Variants in SIN3B observed in about 807,000 individuals in gnomAD.
The protein encoded by SIN3B is SIN3 transcription regulator family member B.
A neutral mutation model predicts 120.2 loss-of-function variants in SIN3B; 19 were observed. The ratio of observed to expected loss-of-function variants is 0.16; its 90% CI spans 0.11 to 0.23. SIN3B has a LOEUF of 0.23. Ranked by LOEUF, SIN3B falls within the 10% of genes least tolerant of loss-of-function variation. The pLI is 1.00. For synonymous variants in SIN3B, 654 were observed against 653.2 expected (o/e 1.00, Z -0.02); for missense variants, 1,073 against 1,573.0 (o/e 0.68, Z 5.38).
At chr19:16,857,516 TA>T (rs1388617935) in intron 8 of SIN3B, among the ~76,000 whole-genome samples, 27 of 123,366 alleles carry the variant, frequency 2.2e-4, no homozygotes, top group South Asian at 5.1e-4. Context: ...TTAAAAAAAA[TA>T]TGTGTGTGTG....
At chr19:16,830,556 A>C (rs1014309907) in intron 2 of SIN3B, among the ~76,000 whole-genome samples, 3 of 152,206 alleles carry the variant, frequency 2.0e-5, no homozygotes, top group Admixed American at 6.5e-5. Flanking sequence ...CAGAGGTGTC[A>C]CTAGAACTCA....
At chr19:16,829,942 G>T (rs965539577) in intron 2 of SIN3B, 45 bp downstream of exon 2, 3 of 1,409,104 alleles carry the variant, frequency 2.1e-6, no homozygotes, top group African/African-American at 2.8e-5. Flanking sequence ...CCCCTGGGCC[G>T]GAATCGGGCC....
At chr19:16,840,474 C>T (rs1358168453) in intron 3 of SIN3B, among the ~76,000 whole-genome samples, 2 of 152,236 alleles carry the variant, frequency 1.3e-5, no homozygotes. Flanking sequence ...GAACTACTAA[C>T]TTCTGTTGTT....
At chr19:16,872,088 G>A (rs2051519212) in intron 14 of SIN3B, among the ~76,000 whole-genome samples, 1 of 151,992 alleles carries the variant, frequency 6.6e-6, no homozygotes, top group South Asian at 2.1e-4. Context: ...AGACGAGCTG[G>A]GTGTGGTTCC....
chr19:16,875,804 C>G, intron 14 of SIN3B: 1 of 513,828 alleles, frequency 1.9e-6, no homozygotes, highest in Non-Finnish European at 3.4e-6. Context: ...CTGGTCTGGT[C>G]TGTTTGGTCT....
chr19:16,865,337 G>A, intron 10 of SIN3B, 73 bp from the exon 11 acceptor site: 1 of 840,740 alleles, frequency 1.2e-6, no homozygotes, highest in Non-Finnish European at 1.8e-6. Flanking sequence ...TCTGGTCTCT[G>A]AGGTCCCAGG....
In SIN3B at chr19:16,869,507, G is replaced by A. The variant is rs758944564; in HGVS notation, c.1854G>A (p.Pro618=). Residue 618 remains proline, a synonymous_variant, in exon 13 of 19, where the codon CCG becomes CCA. Transcript: ENST00000248054. ...GCCGCAGTGCCCCCTCTAGCGAGCC[G>A]CACCTCATCTTTGTGTACGAGGACC... ...SEGRSAPSSE[P]HLIFVYEDRQ... The A allele has an allele frequency of 8.1e-6, 13 of 1,613,374 alleles. No individual in the cohort carries two copies. The East Asian group carries it at 8.9e-5, about 11-fold the overall frequency.
chr19:16,844,053 GGTGGGTCTTGGAACTCCTGGCCTCAA>G (rs1179289410), intron 4 of SIN3B: 8 of 152,264 alleles, frequency 5.3e-5, no homozygotes, highest in African/African-American at 1.9e-4. Context: ...ATGTTGCCCA[GGTGGGTCTTGGAACTCCTGGCCTCAA>G]GTGATCCACC....
chr19:16,871,476 G>A, intron 14 of SIN3B, 78 bp downstream of exon 14: 1 of 1,394,364 alleles, frequency 7.2e-7, no homozygotes, highest in East Asian at 2.3e-5. Context: ...CGCTCGGGAG[G>A]GGGCCCGTGG....
intron 11 of SIN3B, among the ~76,000 whole-genome samples, chr19:16,865,891 A>C (rs2039648557): frequency 6.6e-6 from 1 of 152,198 alleles, no homozygotes; most frequent in Non-Finnish European, 1.5e-5. Flanking sequence ...TAATACATCT[A>C]GACATCTAAA....
chr19:16,847,952 C>T (rs1971500095), intron 5 of SIN3B, among the ~76,000 whole-genome samples: 1 of 152,184 alleles, frequency 6.6e-6, no homozygotes, highest in African/African-American at 2.4e-5. Context: ...CTTCCTGTTT[C>T]TGTGGATTTG....
At chr19:16,837,603 T>A (rs1971364237) in intron 3 of SIN3B, among the ~76,000 whole-genome samples, 1 of 147,442 alleles carries the variant, frequency 6.8e-6, no homozygotes, top group African/African-American at 2.5e-5. Context: ...GAGGACAGAG[T>A]GGATGGTAAC....
At chr19:16,829,713 C>T in intron 1 of SIN3B, 78 bp from the exon 2 acceptor site, 2 of 1,419,398 alleles carry the variant, frequency 1.4e-6, no homozygotes, top group South Asian at 1.2e-5. Context: ...CAGCCCATCC[C>T]CTTCCCCTCA....
At chr19:16,834,556 C>G (rs1039029039) in intron 3 of SIN3B, among the ~76,000 whole-genome samples, 1 of 152,170 alleles carries the variant, frequency 6.6e-6, no homozygotes, top group African/African-American at 2.4e-5. Flanking sequence ...AAAGAACTTT[C>G]ACTTAGTAGC....
At chr19:16,871,016 TG>T (rs1267955137) in intron 13 of SIN3B, among the ~76,000 whole-genome samples, 1 of 152,240 alleles carries the variant, frequency 6.6e-6, no homozygotes, top group East Asian at 1.9e-4. Context: ...CTGCCATCCC[TG>T]GGTTGCCGGC....
At position 16,857,553 on chromosome 19, in the gene SIN3B, G is replaced by GTGTGTGTGTGTATA. The variant is rs66778532; in HGVS notation, c.1058+3293_1058+3294insGTGTGTGTGTATAT. Among the ~76,000 whole-genome samples, 315 of 139,538 alleles carry GTGTGTGTGTGTATA rather than the reference G, an allele frequency of 2.3e-3. 2 individuals are homozygous for GTGTGTGTGTGTATA. Among genetic ancestry groups the GTGTGTGTGTGTATA allele is most frequent in the Middle Eastern group, 7.2e-3 (2 of 276 alleles). The allele number at this position is 139,538 out of a possible 152,430, so 91.5% of individuals were successfully genotyped here. A position where few individuals can be genotyped will look rare whatever the true frequency, so the allele number is the denominator to read the frequency against. On this transcript the variant is annotated intron_variant, in intron 8 of 18. Transcript: ENST00000248054. ...TGTGTGTGTGTGTGTGTGTGTGTGT[G>GTGTGTGTGTGTATA]TATATATACACATAAACATTTTTCT...
At chr19:16,849,080 A>C (rs776639915) in intron 5 of SIN3B, among the ~76,000 whole-genome samples, 12 of 152,236 alleles carry the variant, frequency 7.9e-5, no homozygotes, top group Non-Finnish European at 1.8e-4. Flanking sequence ...GTATATTTAG[A>C]AAGATTGGAT....
chr19:16,863,805 G>A lies in SIN3B; in HGVS notation c.1383+9G>A. 6.2e-7 allele frequency: 1 copy of A among 1,603,294 alleles called. No homozygotes were observed. The highest frequency in any genetic ancestry group is 8.5e-7 in the Non-Finnish European group (1 of 1,171,012). ...AGGACGAGCGCTTCGAGGTGTGTGT[G>A]CTGCTGTGGCCGGGTCCCCCGGCAT... is the stretch of plus-strand genomic sequence containing the variant. On this transcript the variant is annotated intron_variant, in intron 10 of 18. Transcript: ENST00000248054.
In SIN3B at chr19:16,829,543, G is replaced by T; in HGVS notation, c.120+3G>T. The T allele has an allele frequency of 8.1e-7, 1 of 1,236,840 alleles. No individual in the cohort carries two copies. The highest frequency in any genetic ancestry group is 1.0e-6 in the Non-Finnish European group (1 of 989,508). The allele number at this position is 1,236,840 out of a possible 1,614,324, so 76.6% of individuals were successfully genotyped here. A position where few individuals can be genotyped will look rare whatever the true frequency, so the allele number is the denominator to read the frequency against. Reference sequence around the variant, plus strand: ...GCCACGAGAAGCTGCCGGTGCACGTGAGTGGCGTCCCCGCCCTCCCTCGGG... The same window carrying T: ...GCCACGAGAAGCTGCCGGTGCACGTTAGTGGCGTCCCCGCCCTCCCTCGGG... On this transcript the variant is annotated splice_donor_region_variant and intron_variant, in intron 1 of 18. Transcript: ENST00000248054.
Sources: allele counts gnomAD v4.1 joint callset (sites outside exome capture counted in the v4.1 genomes callset), GRCh38; gene constraint gnomAD v4.1.1; transcripts MANE v1.5; gene names NCBI Gene and HGNC (gene_info 2026-07-23, HGNC 2026-07-21).